Variants in SYNJ1 observed in about 807,000 individuals in gnomAD.
SYNJ1 encodes the protein synaptojanin 1.
Under a neutral mutation model 168.2 loss-of-function variants are expected in SYNJ1, and 78 were observed. The ratio of observed to expected loss-of-function variants is 0.46; its 90% CI spans 0.39 to 0.56. SYNJ1 has a LOEUF of 0.56. SYNJ1 is among the 20% of genes least tolerant of loss of function. The pLI, the probability that SYNJ1 is intolerant of heterozygous loss-of-function variation, is 0.00. For synonymous variants in SYNJ1, 539 were observed against 548.6 expected (o/e 0.98, Z 0.24); for missense variants, 1,303 against 1,597.6 (o/e 0.82, Z 3.14).
intron 18 of SYNJ1, among the ~76,000 whole-genome samples, chr21:32,659,987 C>T (rs776227006): frequency 4.6e-4 from 70 of 152,318 alleles, no homozygotes; most frequent in Non-Finnish European, 3.7e-4. Context: ...TTGCCCCGGT[C>T]GAACGCCTCA....
At position 32,678,689 on chromosome 21, in the gene SYNJ1, A is replaced by G. The variant is rs1238065971; in HGVS notation, c.1466T>C (p.Leu489Ser). 5.0e-6 allele frequency: 8 copies of G among 1,611,876 alleles called. No individual in the cohort carries two copies. The highest frequency in any genetic ancestry group is 4.0e-5 in the African/African-American group (3 of 74,926). The change falls in exon 12 of 33, where the codon TTA becomes TCA. Residue 489 changes from leucine to serine, a missense_variant. By Grantham distance (145) the Leu-to-Ser change is moderately radical. Around this residue, in one of 2 missense-constraint regions of SYNJ1, gnomAD observed 920 missense variants for 1,208.8 expected, o/e 0.76. Coordinates refer to ENST00000674351, the MANE Select transcript of SYNJ1 (RefSeq NM_203446.3). ...LLLGNTLNSD[L>S]ADKARALLTT... Reference sequence around the variant, plus strand: ...TAAAAGTGCTCGAGCTTTGTCAGCTAAATCACTATTCAGAGTATTTCCCAG... The same window carrying G: ...TAAAAGTGCTCGAGCTTTGTCAGCTGAATCACTATTCAGAGTATTTCCCAG...
intron 2 of SYNJ1, among the ~76,000 whole-genome samples, chr21:32,714,853 CACAA>C (rs1481703869): frequency 6.6e-6 from 1 of 152,174 alleles, no homozygotes; most frequent in African/African-American, 2.4e-5. Flanking sequence ...TTCAGGAATA[CACAA>C]ACACTCAATC....
intron 26 of SYNJ1, 105 bp from the exon 27 acceptor site, chr21:32,643,562 A>T (rs1276971566): frequency 8.4e-7 from 1 of 1,187,256 alleles, no homozygotes; most frequent in Non-Finnish European, 1.2e-6. Flanking sequence ...TTTTGCAAAA[A>T]GGCTCTTTTA....
intron 2 of SYNJ1, among the ~76,000 whole-genome samples, chr21:32,711,765 T>C (rs2042839175): frequency 6.6e-6 from 1 of 152,194 alleles, no homozygotes; most frequent in African/African-American, 2.4e-5. Flanking sequence ...GATGAAGACA[T>C]AATCATATAC....
At chr21:32,711,521 C>T (rs573579861) in intron 2 of SYNJ1, among the ~76,000 whole-genome samples, 5 of 151,860 alleles carry the variant, frequency 3.3e-5, no homozygotes, top group African/African-American at 4.8e-5. Flanking sequence ...TTAGTAGAAA[C>T]GGGTTTCACC....
intron 6 of SYNJ1, among the ~76,000 whole-genome samples, chr21:32,692,651 CAGG>C (rs1378974836): frequency 6.6e-6 from 1 of 152,160 alleles, no homozygotes; most frequent in Non-Finnish European, 1.5e-5. Flanking sequence ...GGAAAGCACA[CAGG>C]AGAAGGAAGG....
intron 4 of SYNJ1, among the ~76,000 whole-genome samples, chr21:32,698,062 A>G (rs780099643): frequency 2.0e-5 from 3 of 152,136 alleles, no homozygotes; most frequent in Non-Finnish European, 4.4e-5. Flanking sequence ...ATGCTTCACA[A>G]AAGTACATCC....
chr21:32,668,885 G>GTGCAATTTGC (rs2041066038), intron 15 of SYNJ1, among the ~76,000 whole-genome samples: 1 of 152,094 alleles, frequency 6.6e-6, no homozygotes, highest in African/African-American at 2.4e-5. Context: ...CATTTGCACT[G>GTGCAATTTGC]ATGGTGCAAA....
At chr21:32,694,144 GAATT>G (rs2042121671) in intron 6 of SYNJ1, 80 bp downstream of exon 6, 6 of 934,632 alleles carry the variant, frequency 6.4e-6, no homozygotes, top group South Asian at 2.5e-5. Flanking sequence ...AACCATCAAT[GAATT>G]AATTAATAAA....
At position 32,694,752 on chromosome 21, in the gene SYNJ1, C is replaced by CA. The variant is rs1422600387; in HGVS notation, c.705+304dup. Among the ~76,000 whole-genome samples the CA allele has an allele frequency of 3.3e-5, 5 of 152,018 alleles. No individual in the cohort carries two copies. In the South Asian group the frequency reaches 1.0e-3, roughly 32 times the overall value. On this transcript the variant is annotated intron_variant, in intron 5 of 32. Transcript: ENST00000674351. The stretch of plus-strand genomic sequence containing the variant: ...AAGAGCTGGGTTTAATTTCACTTCA[C>CA]AAAAAAACAAGTTGTCTAACTCTAC...
rs1179050569 is a variant in SYNJ1, at chr21:32,665,014, T to A, written c.2203A>T (p.Ile735Phe). 1 of 1,613,472 alleles carries A rather than the reference T, an allele frequency of 6.2e-7. No homozygotes were observed. The highest frequency in any genetic ancestry group is 1.3e-5 in the African/African-American group (1 of 74,918). ...VFWCGDFNYRIDLPNEEVKEL... is the reference protein window; with the variant it reads ...VFWCGDFNYRFDLPNEEVKEL... ...TTAACTTCTTCGTTAGGGAGATCGA[T>A]TCGATAGTTGAAATCACCACACCAA... Residue 735 changes from isoleucine to phenylalanine, a missense_variant, in exon 18 of 33, where the codon ATC becomes TTC. Ile to Phe is a conservative substitution (Grantham distance 21, BLOSUM62 0). Around this residue, in one of 2 missense-constraint regions of SYNJ1, gnomAD observed 920 missense variants for 1,208.8 expected, o/e 0.76. Transcript: ENST00000674351.
rs2042419755 is a variant in SYNJ1, at chr21:32,701,968, T to C, written c.204A>G (p.Leu68=). ...DAYGLLGVLR[L]NLGDTMLHYL... ...ACTGAATGATAAACTTACCAAGATT[T>C]AACCGCAGAACACCTAAGAGTCCAT... Residue 68 remains leucine, a synonymous_variant, in exon 3 of 33, where the codon TTA becomes TTG. Coordinates refer to ENST00000674351, the MANE Select transcript of SYNJ1 (RefSeq NM_203446.3). 6.5e-7 allele frequency: 1 copy of C among 1,543,736 alleles called. No homozygotes were observed. The highest frequency in any genetic ancestry group is 8.8e-7 in the Non-Finnish European group (1 of 1,136,624).
At position 32,726,838 on chromosome 21, in the gene SYNJ1, G is replaced by T; in HGVS notation, c.58C>A (p.Leu20Ile). 6.2e-7 allele frequency: 1 copy of T among 1,614,158 alleles called. No individual in the cohort carries two copies. Among genetic ancestry groups the T allele is most frequent in the Non-Finnish European group, 8.5e-7 (1 of 1,180,030 alleles). ...YHKLDPPPFS[L>I]IVETRHKEEC... ...TCCTTATGCCTAGTTTCCACTATGA[G>T]GCTGAAAGGTGGGGGATCCAATTTG... is the stretch of plus-strand genomic sequence containing the variant. The change falls in exon 2 of 33, where the codon CTC becomes ATC. Residue 20 changes from leucine (L) to isoleucine (I), a missense_variant. Leu to Ile is a conservative substitution (Grantham distance 5). Coordinates refer to ENST00000674351, the MANE Select transcript of SYNJ1 (RefSeq NM_203446.3).
At chr21:32,660,408 C>A (rs528335218) in intron 18 of SYNJ1, among the ~76,000 whole-genome samples, 1 of 152,218 alleles carries the variant, frequency 6.6e-6, no homozygotes, top group Non-Finnish European at 1.5e-5. Flanking sequence ...TAATCACTGA[C>A]GTCTGTAACA....
At chr21:32,670,923 A>G in intron 14 of SYNJ1, 2 of 610,122 alleles carry the variant, frequency 3.3e-6, no homozygotes, top group South Asian at 1.5e-4. Context: ...TGGAAACTAC[A>G]AGGACTAACG....
chr21:32,694,009 G>A (rs2042117385), intron 6 of SYNJ1, among the ~76,000 whole-genome samples: 2 of 152,032 alleles, frequency 1.3e-5, no homozygotes, highest in Admixed American at 1.3e-4. Flanking sequence ...AAATACAGCA[G>A]CTCAATTTCA....
chr21:32,667,573 ATCTC>A (rs971607963), intron 15 of SYNJ1, among the ~76,000 whole-genome samples: 1 of 151,938 alleles, frequency 6.6e-6, no homozygotes, highest in Non-Finnish European at 1.5e-5. Flanking sequence ...ATGTCTCCTA[ATCTC>A]TCTTTTTTTC....
chr21:32,681,787 A>G, intron 10 of SYNJ1, 139 bp from the exon 11 acceptor site: 1 of 679,828 alleles, frequency 1.5e-6, no homozygotes, highest in South Asian at 3.0e-5. Context: ...ATAACAGTTT[A>G]CTAGGCTGAG....
chr21:32,630,808 A>C lies in SYNJ1; in HGVS notation c.*997T>G, dbSNP rs1022550813. The C allele has an allele frequency of 1.8e-6, 1 of 560,282 alleles. No homozygotes were observed. Among genetic ancestry groups the C allele is most frequent in the African/African-American group, 1.9e-5 (1 of 53,688 alleles). The allele number at this position is 560,282 out of a possible 1,614,324, so 34.7% of individuals were successfully genotyped here. On this transcript the variant is annotated 3_prime_UTR_variant, in exon 33 of 33. Transcript: ENST00000674351. The stretch of plus-strand genomic sequence containing the variant: ...GAAATACATCAAAACTCCAGTTAAC[A>C]ATGAGAAGGGTTTTTCCTTATTTCC...
Sources: gnomAD v4.1 joint callset for allele counts (sites outside exome capture counted in the v4.1 genomes callset) on GRCh38, gnomAD v4.1.1 for gene constraint, gnomAD v4.1.1 regional missense constraint, MANE v1.5 for transcripts, NCBI Gene and HGNC (gene_info 2026-07-23, HGNC 2026-07-21) for gene names.